DGKD: variants seen among roughly 807,000 people sequenced by gnomAD.
The protein encoded by DGKD is diacylglycerol kinase delta.
A neutral mutation model predicts 154.4 loss-of-function variants in DGKD; 68 were observed. The ratio of observed to expected loss-of-function variants is 0.44; its 90% CI spans 0.36 to 0.54. The LOEUF (loss-of-function observed/expected upper bound fraction) is 0.54, where lower values mean the gene tolerates loss of function less well. DGKD is among the 20% of genes least tolerant of loss of function. The pLI, the probability that DGKD is intolerant of heterozygous loss-of-function variation, is 0.00. For synonymous variants in DGKD, 693 were observed against 638.0 expected (o/e 1.09, Z -1.30); for missense variants, 1,343 against 1,593.6 (o/e 0.84, Z 2.68).
chr2:233,461,193 C>T (rs578079557), intron 24 of DGKD, among the ~76,000 whole-genome samples: 46 of 152,362 alleles, frequency 3.0e-4, no homozygotes, highest in African/African-American at 1.0e-3. Flanking sequence ...GGCAGCTGTG[C>T]TGCTCCGCCG....
intron 1 of DGKD, among the ~76,000 whole-genome samples, chr2:233,355,197 C>T (rs746882198): frequency 3.9e-5 from 6 of 152,170 alleles, no homozygotes; most frequent in Middle Eastern, 3.2e-3. Context: ...ACCCCTTCAC[C>T]CCTTCATCCC....
At chr2:233,432,268 G>T (rs1269324692) in intron 3 of DGKD, among the ~76,000 whole-genome samples, 1 of 102,684 alleles carries the variant, frequency 9.7e-6, no homozygotes. Flanking sequence ...GCTCACGCCT[G>T]TAATCCCAGC....
chr2:233,451,025 G>T lies in DGKD; in HGVS notation c.2142G>T (p.Ala714=). The T allele has an allele frequency of 6.2e-7, 1 of 1,611,904 alleles. No individual in the cohort carries two copies. The change falls in exon 17 of 30, where the codon GCG becomes GCT. Residue 714 remains alanine, a synonymous_variant. Transcript: ENST00000264057. ...CGGGAAGCCGGGACGGCCTGCCTGC[G>T]CTCAACACCAAGATCCTGTACCCAA... The part of the protein sequence containing the change: ...PQPGSRDGLP[A]LNTKILYPNV...
chr2:233,360,447 G>T (rs1701726494), intron 1 of DGKD, among the ~76,000 whole-genome samples: 1 of 151,996 alleles, frequency 6.6e-6, no homozygotes, highest in African/African-American at 2.4e-5. Flanking sequence ...GGAGACGAGG[G>T]TCTCACTATG....
intron 3 of DGKD, among the ~76,000 whole-genome samples, chr2:233,416,251 G>T (rs1188536860): frequency 1.3e-5 from 2 of 152,096 alleles, no homozygotes; most frequent in Non-Finnish European, 2.9e-5. Flanking sequence ...CTCCTCGTGT[G>T]GCTTTGTTTT....
chr2:233,370,971 C>T (rs866043824), intron 1 of DGKD, among the ~76,000 whole-genome samples: 15 of 151,002 alleles, frequency 9.9e-5, no homozygotes, highest in South Asian at 4.2e-4. Context: ...AGGTTGGTCT[C>T]GAACACTCGG....
intron 1 of DGKD, among the ~76,000 whole-genome samples, chr2:233,370,316 C>T (rs979917744): frequency 1.3e-5 from 2 of 152,104 alleles, no homozygotes; most frequent in Admixed American, 6.5e-5. Flanking sequence ...CAGGTTCAAG[C>T]GATCCTCTCA....
chr2:233,378,809 C>T (rs1702729633), intron 1 of DGKD, among the ~76,000 whole-genome samples: 1 of 152,128 alleles, frequency 6.6e-6, no homozygotes, highest in African/African-American at 2.4e-5. Flanking sequence ...GTGGCTTATG[C>T]CTGCAATAAG....
intron 26 of DGKD, 39 bp downstream of exon 26, chr2:233,462,774 GTGTGAA>G: frequency 5.1e-6 from 8 of 1,573,260 alleles, no homozygotes; most frequent in Non-Finnish European, 7.0e-6. Flanking sequence ...CTCGGGCTGT[GTGTGAA>G]ACGACTGCTG....
In DGKD at chr2:233,467,118, C is replaced by T. The variant is rs772941250; in HGVS notation, c.3339C>T (p.Arg1113=). The T allele has an allele frequency of 6.2e-7, 1 of 1,614,218 alleles. No homozygotes were observed. Among genetic ancestry groups the T allele is most frequent in the Non-Finnish European group, 8.5e-7 (1 of 1,180,020 alleles). Residue 1113 remains arginine, a synonymous_variant, in exon 28 of 30, where the codon CGC becomes CGT. Transcript: ENST00000264057. The part of the protein sequence containing the change: ...SVMLDLAKRS[R]SGKFRLVTKF... ...TGCTGGATCTTGCCAAGCGCAGTCG[C>T]AGTGGTAAATTCCGCCTCGTGACCA...
intron 3 of DGKD, among the ~76,000 whole-genome samples, chr2:233,415,862 G>A (rs2061948302): frequency 6.6e-6 from 1 of 152,144 alleles, no homozygotes; most frequent in South Asian, 2.1e-4. Context: ...CTGGGCTCAA[G>A]GGATCCTCCT....
rs990888281 is a variant in DGKD at position 233,449,680 on chromosome 2, G to A, written c.1889-302G>A. ...GTCACGGCCTCACACCCGCACACCTGCGTGTCCATGCAGCCGCTCCTCCCG... is the reference window on the plus strand; with the variant it reads ...GTCACGGCCTCACACCCGCACACCTACGTGTCCATGCAGCCGCTCCTCCCG... On this transcript the variant is annotated intron_variant, in intron 15 of 29. Transcript: ENST00000264057. This position sits in a 1 kb window ranked among gnomAD's most constrained non-coding sequence, Gnocchi z 5.3. Among the ~76,000 whole-genome samples, 1 of 152,112 alleles carries A rather than the reference G, an allele frequency of 6.6e-6. No individual in the cohort carries two copies. The highest frequency in any genetic ancestry group is 1.5e-5 in the Non-Finnish European group (1 of 68,016).
At chr2:233,401,353 A>G (rs887826769) in intron 3 of DGKD, among the ~76,000 whole-genome samples, 1 of 152,230 alleles carries the variant, frequency 6.6e-6, no homozygotes, top group Admixed American at 6.5e-5. Flanking sequence ...CATTTATTAT[A>G]TCATTTGGTA....
At chr2:233,369,788 A>G (rs1257999131) in intron 1 of DGKD, among the ~76,000 whole-genome samples, 2 of 151,844 alleles carry the variant, frequency 1.3e-5, no homozygotes, top group African/African-American at 4.8e-5. Flanking sequence ...CAATGGCCCC[A>G]TTTTCCGTGT....
rs772806381 is a variant in DGKD, at chr2:233,462,639, C to T, written c.3094-4C>T. On this transcript the variant is annotated splice_polypyrimidine_tract_variant and splice_region_variant and intron_variant, in intron 25 of 29. Coordinates refer to ENST00000264057, the MANE Select transcript of DGKD (RefSeq NM_152879.3). ...CCCATGCATATTTGCCTGGTTTCTT[C>T]TAGGGGCTCAACTGCAGCTTCGTCC... 1.5e-5 allele frequency: 24 copies of T among 1,613,848 alleles called. No homozygotes were observed. The South Asian group carries it at 2.5e-4, about 17-fold the overall frequency.
At position 233,454,041 on chromosome 2, in the gene DGKD, G is replaced by A. The variant is rs531990432; in HGVS notation, c.2265-722G>A. 5.8e-4 allele frequency among the ~76,000 whole-genome samples: 88 copies of A among 152,340 alleles called. 2 individuals are homozygous for A. In the South Asian group the frequency reaches 0.018, roughly 30 times the overall value. ...ATCTTCAGGTTTGGTGCTGCTGGTGGAGTGTAAGATGGGCAGCTGCTGTGG... is the reference window on the plus strand; with the variant it reads ...ATCTTCAGGTTTGGTGCTGCTGGTGAAGTGTAAGATGGGCAGCTGCTGTGG... On this transcript the variant is annotated intron_variant, in intron 18 of 29. Transcript: ENST00000264057.
chr2:233,434,255 C>T (rs1020006429), intron 3 of DGKD, 125 bp from the exon 4 acceptor site: 16 of 670,298 alleles, frequency 2.4e-5, no homozygotes, highest in Non-Finnish European at 3.8e-5. Flanking sequence ...GTTTTCGGTT[C>T]AGTGTGAATA....
At chr2:233,435,567 A>G (rs1011680399) in intron 5 of DGKD, among the ~76,000 whole-genome samples, 2 of 152,210 alleles carry the variant, frequency 1.3e-5, no homozygotes, top group East Asian at 1.9e-4. Context: ...GCTGGTTGCG[A>G]CCTGCAGAGT....
chr2:233,438,447 A>G lies in DGKD; in HGVS notation c.1085+68A>G. ...TTGTGTAGATAGTGTGTGCTTGTTA[A>G]AAAAAAAAAGTTCAAAGACACAAAG... On this transcript the variant is annotated intron_variant, in intron 9 of 29. Coordinates refer to ENST00000264057, the MANE Select transcript of DGKD (RefSeq NM_152879.3). The surrounding 1 kb of genome is among the most constrained non-coding windows in gnomAD (Gnocchi z 4.1). 1.5e-6 allele frequency: 2 copies of G among 1,349,172 alleles called. No homozygotes were observed. Among genetic ancestry groups the G allele is most frequent in the East Asian group, 5.0e-5 (2 of 39,862 alleles). 83.6% of individuals were successfully genotyped at this position (1,349,172 alleles called of 1,614,324 possible).
Sources: gnomAD v4.1 joint callset for allele counts (sites outside exome capture counted in the v4.1 genomes callset) on GRCh38, gnomAD v4.1.1 for gene constraint, Gnocchi (gnomAD v3.1) non-coding constraint, MANE v1.5 for transcripts, NCBI Gene and HGNC (gene_info 2026-07-23, HGNC 2026-07-21) for gene names.